Variants in TINAGL1 observed in about 807,000 individuals in gnomAD.
TINAGL1 encodes the protein tubulointerstitial nephritis antigen like 1.
In TINAGL1, 34 loss-of-function variants were observed where a neutral mutation model predicts 62.0. The observed-to-expected ratio is 0.55, with a 90% CI of 0.42 to 0.73. The LOEUF is 0.73. Ranked by LOEUF, TINAGL1 falls within the 30% of genes least tolerant of loss-of-function variation. The probability of loss-of-function intolerance (pLI) is 0.00; values close to 1 mark genes in which losing one functional copy is unlikely to be tolerated. For missense variants in TINAGL1, 516 were observed against 653.2 expected (o/e 0.79, Z 2.29); for synonymous variants, 221 against 249.7 (o/e 0.88, Z 1.08).
chr1:31,579,368 T>G, intron 3 of TINAGL1, 101 bp downstream of exon 3: 1 of 1,047,798 alleles, frequency 9.5e-7, no homozygotes, highest in South Asian at 1.4e-5. Flanking sequence ...GAGAAGTCTT[T>G]TCCCTTCTTT....
At position 31,587,051 on chromosome 1, in the gene TINAGL1, G is replaced by T; in HGVS notation, c.*72G>T. The T allele has an allele frequency of 7.2e-7, 1 of 1,384,406 alleles. No individual in the cohort carries two copies. Among genetic ancestry groups the T allele is most frequent in the South Asian group, 1.7e-5 (1 of 59,190 alleles). The allele number at this position is 1,384,406 out of a possible 1,614,324, so 85.8% of individuals were successfully genotyped here. A position where few individuals can be genotyped will look rare whatever the true frequency, so the allele number is the denominator to read the frequency against. Reference sequence around the variant, plus strand: ...CCGGCGGAAGAGGCCCCAATGGGGCGGTGACCCCAGCCTCGCCCGACAGAG... The same window carrying T: ...CCGGCGGAAGAGGCCCCAATGGGGCTGTGACCCCAGCCTCGCCCGACAGAG... On this transcript the variant is annotated 3_prime_UTR_variant, in exon 12 of 12. Transcript: ENST00000271064.
Position 31,586,145 on chromosome 1 carries a change from C to T in TINAGL1, c.1217+269C>T, listed in dbSNP as rs570869276. On this transcript the variant is annotated intron_variant, in intron 10 of 11. Transcript: ENST00000271064. ...GAAGAGAGCCTCAAGAGTTTCTCAA[C>T]CTCTCCCCACCTCAGCACCTGTCCC... The T allele has an allele frequency of 7.9e-4, 284 of 360,650 alleles. 1 individual carries two copies. The highest frequency in any genetic ancestry group is 3.1e-3 in the Admixed American group (69 of 22,594). 22.3% of individuals were successfully genotyped at this position (360,650 alleles called of 1,614,324 possible).
In TINAGL1 at chr1:31,585,083, C is replaced by T. The variant is rs887671499; in HGVS notation, c.857+47C>T. 3.8e-6 allele frequency: 6 copies of T among 1,568,430 alleles called. No homozygotes were observed. The highest frequency in any genetic ancestry group is 1.7e-4 in the Middle Eastern group (1 of 5,862). On this transcript the variant is annotated intron_variant, in intron 7 of 11. Coordinates refer to ENST00000271064, the MANE Select transcript of TINAGL1 (RefSeq NM_022164.3). The surrounding 1 kb of genome is among the most constrained non-coding windows in gnomAD (Gnocchi z 4.3). ...GGGCAGAGAAGAGGGCAAGGAGCTC[C>T]GTGGGCATGGCCTGGGCCATGATGC...
rs1402378757 is a variant in TINAGL1 at position 31,583,176 on chromosome 1, G to C, written c.402G>C (p.Gln134His). 3 of 1,614,174 alleles carry C rather than the reference G, an allele frequency of 1.9e-6. No individual in the cohort carries two copies. The highest frequency in any genetic ancestry group is 2.2e-5 in the South Asian group (2 of 91,088). The change falls in exon 4 of 12, where the codon CAG becomes CAC. Residue 134 changes from glutamine (Q) to histidine (H), a missense_variant. Physicochemically the swap from Gln to His is conservative, Grantham distance 24. Transcript: ENST00000271064. The surrounding 1 kb of genome is among the most constrained non-coding windows in gnomAD (Gnocchi z 4.4). ...CCTGCCAGGAGAACAGGCAGTGGCA[G>C]TGTGACCAAGAACCATGCCTGGTGG... ...RCTCQENRQW[Q>H]CDQEPCLVDP...
In TINAGL1 at chr1:31,577,168, G is replaced by T; in HGVS notation, c.20G>T (p.Gly7Val). ...GCCACCATGTGGCGATGTCCACTGG[G>T]GCTACTGCTGTTGCTGCCGCTGGCT... MWRCPL[G>V]LLLLLPLAGH... The change falls in exon 2 of 12, where the codon GGG becomes GTG. Residue 7 changes from glycine (G) to valine (V), a missense_variant. Physicochemically the swap from Gly to Val is moderately radical, Grantham distance 109 (BLOSUM62 -3). Coordinates refer to ENST00000271064, the MANE Select transcript of TINAGL1 (RefSeq NM_022164.3). This position sits in a 1 kb window ranked among gnomAD's most constrained non-coding sequence, Gnocchi z 5.4. 1 of 1,563,862 alleles carries T rather than the reference G, an allele frequency of 6.4e-7. No individual in the cohort carries two copies.
At chr1:31,578,981 T>A (rs1329636955) in intron 2 of TINAGL1, among the ~76,000 whole-genome samples, 2 of 121,080 alleles carry the variant, frequency 1.7e-5, no homozygotes, top group Non-Finnish European at 3.8e-5. Flanking sequence ...CAGTTATAGT[T>A]TAATTTTAGT....
At chr1:31,582,874 G>A (rs1278332736) in intron 3 of TINAGL1, among the ~76,000 whole-genome samples, 3 of 152,052 alleles carry the variant, frequency 2.0e-5, no homozygotes, top group East Asian at 3.9e-4. Context: ...TCAGGAATTC[G>A]GTTCAGGGAG....
intron 3 of TINAGL1, chr1:31,580,483 G>A (rs1237138361): frequency 7.8e-7 from 1 of 1,289,278 alleles, no homozygotes; most frequent in Non-Finnish European, 1.0e-6. Context: ...AGTCTAGTCG[G>A]GTGCTGCTGC....
chr1:31,583,450 C>G lies in TINAGL1; in HGVS notation c.468-11C>G. On this transcript the variant is annotated splice_polypyrimidine_tract_variant and intron_variant, in intron 4 of 11. Transcript: ENST00000271064. The surrounding 1 kb of genome is among the most constrained non-coding windows in gnomAD (Gnocchi z 4.4). Reference sequence around the variant, plus strand: ...CAGATCTGTGACTTCCTTCCGTCCCCTCTCCTTCAGCTGGCAGGCTGGGAA... The same window carrying G: ...CAGATCTGTGACTTCCTTCCGTCCCGTCTCCTTCAGCTGGCAGGCTGGGAA... 6.2e-7 allele frequency: 1 copy of G among 1,612,054 alleles called. No individual in the cohort carries two copies. Among genetic ancestry groups the G allele is most frequent in the Non-Finnish European group, 8.5e-7 (1 of 1,179,062 alleles).
chr1:31,585,475 C>T lies in TINAGL1; in HGVS notation c.1083C>T (p.Gly361=). ...KEIMKELMEN[G]PVQALMEVHE... is the part of the protein sequence containing the mutation. ...TCATGAAGGAGCTGATGGAGAATGG[C>T]CCTGTCCAAGGTAAACCCCCTTATC... Residue 361 remains glycine (G), a synonymous_variant, in exon 9 of 12, where the codon GGC becomes GGT. Coordinates refer to ENST00000271064, the MANE Select transcript of TINAGL1 (RefSeq NM_022164.3). The surrounding 1 kb of genome is among the most constrained non-coding windows in gnomAD (Gnocchi z 4.3). 2 of 1,614,206 alleles carry T rather than the reference C, an allele frequency of 1.2e-6. No homozygotes were observed. Among genetic ancestry groups the T allele is most frequent in the Non-Finnish European group, 1.7e-6 (2 of 1,180,032 alleles).
At position 31,583,352 on chromosome 1, in the gene TINAGL1, G is replaced by C; in HGVS notation, c.468-109G>C. 1.4e-6 allele frequency: 2 copies of C among 1,459,460 alleles called. No homozygotes were observed. The highest frequency in any genetic ancestry group is 1.9e-6 in the Non-Finnish European group (2 of 1,050,648). 90.4% of individuals were successfully genotyped at this position (1,459,460 alleles called of 1,614,324 possible). A position where few individuals can be genotyped will look rare whatever the true frequency, so the allele number is the denominator to read the frequency against. The stretch of plus-strand genomic sequence containing the variant: ...GCAGGCCACTCCTACACCCAGATTT[G>C]ACTGTGTGTGCGCTCAGCCACTGTG... On this transcript the variant is annotated intron_variant, in intron 4 of 11. Transcript: ENST00000271064. This position sits in a 1 kb window ranked among gnomAD's most constrained non-coding sequence, Gnocchi z 4.4.
rs1329200354 is a variant in TINAGL1 at position 31,583,277 on chromosome 1, A to G, written c.467+36A>G. The G allele has an allele frequency of 1.9e-6, 3 of 1,586,824 alleles. No individual in the cohort carries two copies. The highest frequency in any genetic ancestry group is 1.7e-5 in the Admixed American group (1 of 59,976). ...CTAGAGGCACCCTCAGTGGGCACAC[A>G]TGCATACTCATGCATGTATACACGC... On this transcript the variant is annotated intron_variant, in intron 4 of 11. Coordinates refer to ENST00000271064, the MANE Select transcript of TINAGL1 (RefSeq NM_022164.3). This position sits in a 1 kb window ranked among gnomAD's most constrained non-coding sequence, Gnocchi z 4.4.
chr1:31,580,203 C>G (rs12403781), intron 3 of TINAGL1: 11,178 of 430,088 alleles, frequency 0.026, 183 homozygotes, highest in African/African-American at 0.099. Flanking sequence ...CTCTCTCTCT[C>G]TCTCTCTCTG....
rs756622193 is a variant in TINAGL1, at chr1:31,585,333, G to T, written c.1040G>T (p.Gly347Val). 1.2e-6 allele frequency: 2 copies of T among 1,604,154 alleles called. No individual in the cohort carries two copies. Among genetic ancestry groups the T allele is most frequent in the East Asian group, 4.5e-5 (2 of 44,700 alleles). Residue 347 changes from glycine (G) to valine (V), a missense_variant, in exon 8 of 12, where the codon GGC becomes GTC. By Grantham distance (109) the Gly-to-Val change is moderately radical (BLOSUM62 -3). Transcript: ENST00000271064. This position sits in a 1 kb window ranked among gnomAD's most constrained non-coding sequence, Gnocchi z 4.3. Reference protein sequence around the residue: ...IYQVTPVYRLGSNDKEIMKEL... With the variant: ...IYQVTPVYRLVSNDKEIMKEL... ...CAGGTCACTCCTGTCTACCGCCTCG[G>T]CTCCAACGTAAGTCAGCACTTGGGT...
In TINAGL1 at chr1:31,577,627, C is replaced by G; in HGVS notation, c.310+169C>G. On this transcript the variant is annotated intron_variant, in intron 2 of 11. Transcript: ENST00000271064. This position sits in a 1 kb window ranked among gnomAD's most constrained non-coding sequence, Gnocchi z 5.4. ...TTACTCTCCAGCAAGACTGAAGAAG[C>G]TCCTTGGTTAGAATTCTAATTTGGC... 1.4e-6 allele frequency: 1 copy of G among 739,276 alleles called. No individual in the cohort carries two copies. The highest frequency in any genetic ancestry group is 3.3e-5 in the Admixed American group (1 of 30,250). The allele number at this position is 739,276 out of a possible 1,614,324, so 45.8% of individuals were successfully genotyped here.
rs755346351 is a variant in TINAGL1 at position 31,585,381 on chromosome 1, TG to T, written c.1047+42del. 4 of 1,606,970 alleles carry T rather than the reference TG, an allele frequency of 2.5e-6. 1 individual carries two copies. The South Asian group carries it at 4.4e-5, about 18-fold the overall frequency. On this transcript the variant is annotated intron_variant, in intron 8 of 11. Coordinates refer to ENST00000271064, the MANE Select transcript of TINAGL1 (RefSeq NM_022164.3). The surrounding 1 kb of genome is among the most constrained non-coding windows in gnomAD (Gnocchi z 4.3). ...GGTGAGGGCGCCGAGGCAGGAGGGT[TG>T]TGAAAGCCTGGAGTCTCACCCCTGA...
chr1:31,583,484 C>T lies in TINAGL1; in HGVS notation c.491C>T (p.Ala164Val). The change falls in exon 5 of 12, where the codon GCC (alanine) becomes GTC (valine). Residue 164 changes from alanine (A) to valine (V), a missense_variant. Ala to Val is a moderately conservative substitution (Grantham distance 64, BLOSUM62 0). Coordinates refer to ENST00000271064, the MANE Select transcript of TINAGL1 (RefSeq NM_022164.3). The surrounding 1 kb of genome is among the most constrained non-coding windows in gnomAD (Gnocchi z 4.4). ...AGCTGGCAGGCTGGGAACCACAGCGCCTTCTGGGGCATGACCCTGGATGAG... is the reference window on the plus strand; with the variant it reads ...AGCTGGCAGGCTGGGAACCACAGCGTCTTCTGGGGCATGACCCTGGATGAG... ...NYGWQAGNHS[A>V]FWGMTLDEGI... The T allele has an allele frequency of 6.2e-7, 1 of 1,614,008 alleles. No homozygotes were observed. Among genetic ancestry groups the T allele is most frequent in the East Asian group, 2.2e-5 (1 of 44,884 alleles).
At chr1:31,581,439 C>A (rs146986201) in intron 3 of TINAGL1, among the ~76,000 whole-genome samples, 57 of 152,256 alleles carry the variant, frequency 3.7e-4, no homozygotes, top group African/African-American at 1.3e-3. Context: ...CCAAGCCCTG[C>A]TGATGGGGGA....
At position 31,576,770 on chromosome 1, in the gene TINAGL1, A is replaced by G. The variant is rs1168925893; in HGVS notation, c.-16+175A>G. Among the ~76,000 whole-genome samples the G allele has an allele frequency of 2.0e-5, 3 of 152,180 alleles. No individual in the cohort carries two copies. The highest frequency in any genetic ancestry group is 2.0e-4 in the Admixed American group (3 of 15,284). On this transcript the variant is annotated intron_variant, in intron 1 of 11. Coordinates refer to ENST00000271064, the MANE Select transcript of TINAGL1 (RefSeq NM_022164.3). This position sits in a 1 kb window ranked among gnomAD's most constrained non-coding sequence, Gnocchi z 5.1. Reference sequence around the variant, plus strand: ...AAGACCGGGGGAGACAGGAAAGCACAAAGTCAAGGACCCAGGTCAGGGATG... The same window carrying G: ...AAGACCGGGGGAGACAGGAAAGCACGAAGTCAAGGACCCAGGTCAGGGATG...
Sources: allele counts gnomAD v4.1 joint callset (sites outside exome capture counted in the v4.1 genomes callset), GRCh38; gene constraint gnomAD v4.1.1; non-coding constraint Gnocchi (gnomAD v3.1); transcripts MANE v1.5; gene names NCBI Gene and HGNC (gene_info 2026-07-23, HGNC 2026-07-21).